The following MOV10L1 variants were observed in gnomAD, a reference collection of about 807,000 sequenced individuals.
MOV10L1 encodes Mov10 like RNA helicase 1.
Under a neutral mutation model 143.8 loss-of-function variants are expected in MOV10L1, and 110 were observed. The observed-to-expected ratio is 0.76, with a 90% confidence interval of 0.66 to 0.90. The LOEUF (loss-of-function observed/expected upper bound fraction) is 0.90. MOV10L1 is among the 40% of genes least tolerant of loss of function. MOV10L1 has a pLI of 0.00. For synonymous variants in MOV10L1, 593 were observed against 581.1 expected, an observed-to-expected ratio of 1.02 and a Z score of -0.29; for missense variants, 1,406 against 1,526.8, an observed-to-expected ratio of 0.92 and a Z score of 1.32.
Position 50,113,660 on chromosome 22 carries a change from T to G in MOV10L1, c.756T>G (p.Pro252=), listed in dbSNP as rs765711679. 6.2e-7 allele frequency: 1 copy of G among 1,613,734 alleles called. No individual in the cohort carries two copies. Among genetic ancestry groups the G allele is most frequent in the South Asian group, 1.1e-5 (1 of 91,022 alleles). The change falls in exon 6 of 27, where the codon CCT becomes CCG. Residue 252 remains proline (P), a synonymous_variant. Transcript: ENST00000262794. ...GCTCTTTTTTCAGAGACGCCGCCCCTGTTCATGAGGCCACTCATTTCTATG... is the reference window on the plus strand; with the variant it reads ...GCTCTTTTTTCAGAGACGCCGCCCCGGTTCATGAGGCCACTCATTTCTATG... ...MTLVKRRDAA[P]VHEATHFYGT...
At chr22:50,102,394 G>A (rs537213918) in intron 3 of MOV10L1, among the ~76,000 whole-genome samples, 11 of 152,172 alleles carry the variant, frequency 7.2e-5, no homozygotes, top group Non-Finnish European at 1.3e-4. Flanking sequence ...AGGTGCGGCT[G>A]TGTCCTCATA....
At chr22:50,117,500 A>G (rs1484101653) in intron 9 of MOV10L1, 149 bp downstream of exon 9, 2 of 804,910 alleles carry the variant, frequency 2.5e-6, no homozygotes, top group African/African-American at 3.5e-5. Context: ...CCATGATTGT[A>G]TTTGGGGGAT....
chr22:50,156,167 G>A (rs933084442), intron 22 of MOV10L1, among the ~76,000 whole-genome samples: 5 of 151,312 alleles, frequency 3.3e-5, no homozygotes, highest in Non-Finnish European at 5.9e-5. Context: ...CCAGGCTGGA[G>A]TACAGTGGCA....
chr22:50,105,417 C>G (rs4838831), intron 3 of MOV10L1, among the ~76,000 whole-genome samples: 34,121 of 152,020 alleles, frequency 0.22, 4,190 homozygotes, highest in Admixed American at 0.35. Context: ...AGGGCTTCAT[C>G]GAAAGATTCT....
chr22:50,140,101 A>G (rs995960962), intron 15 of MOV10L1, among the ~76,000 whole-genome samples: 1 of 152,240 alleles, frequency 6.6e-6, no homozygotes, highest in African/African-American at 2.4e-5. Context: ...AGGTGAATGG[A>G]TAAGCAAGTT....
At chr22:50,135,334 T>C (rs964867346) in intron 15 of MOV10L1, among the ~76,000 whole-genome samples, 1 of 152,128 alleles carries the variant, frequency 6.6e-6, no homozygotes, top group Non-Finnish European at 1.5e-5. Flanking sequence ...TTTTAAATTA[T>C]ATGGTTTATG....
At chr22:50,113,058 G>A (rs1459039018) in intron 5 of MOV10L1, among the ~76,000 whole-genome samples, 1 of 152,186 alleles carries the variant, frequency 6.6e-6, no homozygotes, top group East Asian at 1.9e-4. Flanking sequence ...AGTGGCATGA[G>A]GCAGGTTTAC....
chr22:50,099,376 C>T, intron 2 of MOV10L1, 67 bp from the exon 3 acceptor site: 2 of 1,554,580 alleles, frequency 1.3e-6, no homozygotes, highest in Non-Finnish European at 1.8e-6. Context: ...GACAGGCATG[C>T]CAGCCTGTAG....
intron 5 of MOV10L1, among the ~76,000 whole-genome samples, chr22:50,113,191 A>G (rs2062070356): frequency 1.3e-5 from 2 of 152,240 alleles, no homozygotes; most frequent in Admixed American, 1.3e-4. Flanking sequence ...CATTTTCTAA[A>G]GAGAAAAACT....
In MOV10L1 at chr22:50,131,996, G is replaced by A. The variant is rs552105261; in HGVS notation, c.1911-2011G>A. Among the ~76,000 whole-genome samples the A allele has an allele frequency of 3.3e-5, 5 of 152,342 alleles. No homozygotes were observed. In the South Asian group the frequency reaches 1.0e-3, roughly 32 times the overall value. On this transcript the variant is annotated intron_variant, in intron 13 of 26. Coordinates refer to ENST00000262794, the MANE Select transcript of MOV10L1 (RefSeq NM_018995.3). ...TGGTGAGACTGCTTCCTGGTTCGTAGGCGGCTGTCTTTTCCCTGTGTCCTC... is the reference window on the plus strand; with the variant it reads ...TGGTGAGACTGCTTCCTGGTTCGTAAGCGGCTGTCTTTTCCCTGTGTCCTC...
intron 22 of MOV10L1, among the ~76,000 whole-genome samples, chr22:50,154,309 C>A (rs953001556): frequency 1.3e-5 from 2 of 152,126 alleles, no homozygotes; most frequent in Non-Finnish European, 2.9e-5. Context: ...GTAACCCCAG[C>A]ACTTTGGGAG....
rs1010426615 is a variant in MOV10L1 at position 50,152,654 on chromosome 22, G to T, written c.2893-391G>T. On this transcript the variant is annotated intron_variant, in intron 21 of 26. Coordinates refer to ENST00000262794, the MANE Select transcript of MOV10L1 (RefSeq NM_018995.3). This position sits in a 1 kb window ranked among gnomAD's most constrained non-coding sequence, Gnocchi z 4.4. Reference sequence around the variant, plus strand: ...CCTTCCCTGTGGCCAAGCGGAGGCAGGGCTGTGTGGGCCAACAAGATGCTG... The same window carrying T: ...CCTTCCCTGTGGCCAAGCGGAGGCATGGCTGTGTGGGCCAACAAGATGCTG... 1.3e-5 allele frequency among the ~76,000 whole-genome samples: 2 copies of T among 152,158 alleles called. No homozygotes were observed. The highest frequency in any genetic ancestry group is 4.8e-5 in the African/African-American group (2 of 41,438).
At chr22:50,103,243 A>T (rs1190840840) in intron 3 of MOV10L1, among the ~76,000 whole-genome samples, 1 of 152,182 alleles carries the variant, frequency 6.6e-6, no homozygotes, top group Non-Finnish European at 1.5e-5. Context: ...TGCATGTTTG[A>T]ACAGCACTGT....
intron 15 of MOV10L1, among the ~76,000 whole-genome samples, chr22:50,135,277 G>T (rs1411624481): frequency 1.3e-5 from 2 of 151,746 alleles, no homozygotes; most frequent in African/African-American, 4.8e-5. Context: ...CTCCCAAAGT[G>T]CTGGAATTAC....
chr22:50,147,154 T>G (rs1367859422), intron 19 of MOV10L1: 3 of 1,589,514 alleles, frequency 1.9e-6, no homozygotes, highest in Non-Finnish European at 2.6e-6. Flanking sequence ...GTTCAGGTAG[T>G]GGGAGGAGGT....
intron 2 of MOV10L1, among the ~76,000 whole-genome samples, chr22:50,098,588 G>A (rs2062656596): frequency 6.6e-6 from 1 of 152,092 alleles, no homozygotes; most frequent in African/African-American, 2.4e-5. Context: ...TGTTGACTTT[G>A]TGTCCTGTGC....
At chr22:50,130,412 G>A (rs2062637610) in intron 13 of MOV10L1, among the ~76,000 whole-genome samples, 1 of 152,004 alleles carries the variant, frequency 6.6e-6, no homozygotes, top group Admixed American at 6.5e-5. Flanking sequence ...GGCAGTATTT[G>A]GGCTACAGCC....
chr22:50,114,264 T>TGA, intron 6 of MOV10L1, 117 bp from the exon 7 acceptor site: 2 of 1,254,116 alleles, frequency 1.6e-6, no homozygotes, highest in South Asian at 1.5e-5. Flanking sequence ...TTTTGACTTA[T>TGA]ATTCATAAGT....
chr22:50,161,200 C>A, intron 26 of MOV10L1, 145 bp downstream of exon 26: 3 of 1,040,538 alleles, frequency 2.9e-6, no homozygotes, highest in Non-Finnish European at 4.3e-6. Flanking sequence ...TCATCCTGGG[C>A]TGCAGCAGCC....
Sources: gnomAD v4.1 joint callset for allele counts (sites outside exome capture counted in the v4.1 genomes callset) on GRCh38, gnomAD v4.1.1 for gene constraint, Gnocchi (gnomAD v3.1) non-coding constraint, MANE v1.5 for transcripts, NCBI Gene and HGNC (gene_info 2026-07-23, HGNC 2026-07-21) for gene names.